ADAM22: variants seen among roughly 807,000 people sequenced by gnomAD.
ADAM22 encodes ADAM metallopeptidase domain 22, also known as disintegrin and metalloproteinase domain-containing protein 22.
ADAM22 carries 65 observed loss-of-function variants against 144.6 expected under a neutral mutation model. The ratio of observed to expected loss-of-function variants is 0.45; its 90% CI spans 0.37 to 0.55. The LOEUF (loss-of-function observed/expected upper bound fraction) is 0.55, where lower values mean the gene tolerates loss of function less well. Among genes scored for constraint, ADAM22 ranks in the 20% least tolerant of loss-of-function variants. The pLI is 0.00. For synonymous variants in ADAM22, 391 were observed against 412.6 expected (o/e 0.95, Z 0.63); for missense variants, 974 against 1,184.9 (o/e 0.82, Z 2.61).
At chr7:88,174,257 G>A (rs567897824) in intron 26 of ADAM22, among the ~76,000 whole-genome samples, 73 of 152,092 alleles carry the variant, frequency 4.8e-4, no homozygotes, top group Non-Finnish European at 9.7e-4. Context: ...ATGTGAAGCA[G>A]ACCCACGTTT....
intron 4 of ADAM22, among the ~76,000 whole-genome samples, chr7:88,092,398 A>T (rs12537586): frequency 0.42 from 64,207 of 151,844 alleles, 15,594 homozygotes; most frequent in East Asian, 0.88. Context: ...TCCTCCTCAC[A>T]TGTAATATCA....
intron 30 of ADAM22, among the ~76,000 whole-genome samples, chr7:88,192,181 G>C (rs1223612759): frequency 6.6e-6 from 1 of 152,180 alleles, no homozygotes; most frequent in South Asian, 2.1e-4. Flanking sequence ...AGGTGGCAGT[G>C]TAACCAGTTC....
intron 2 of ADAM22, among the ~76,000 whole-genome samples, chr7:87,955,474 T>G (rs912561323): frequency 1.3e-5 from 2 of 152,188 alleles, no homozygotes; most frequent in Admixed American, 6.5e-5. Context: ...CAAGTGCTGC[T>G]GTCTGATCGT....
chr7:87,969,644 CAT>C (rs1286649566), intron 2 of ADAM22, among the ~76,000 whole-genome samples: 1 of 152,178 alleles, frequency 6.6e-6, no homozygotes, highest in Admixed American at 6.5e-5. Context: ...AGTTCAGAAA[CAT>C]GAAACAACCT....
At chr7:88,104,963 C>T (rs1000087433) in intron 4 of ADAM22, among the ~76,000 whole-genome samples, 3 of 152,006 alleles carry the variant, frequency 2.0e-5, no homozygotes, top group African/African-American at 7.2e-5. Flanking sequence ...TTTTTCAAAT[C>T]AGAGATTAGT....
intron 6 of ADAM22, among the ~76,000 whole-genome samples, chr7:88,115,322 T>G (rs1827491201): frequency 6.6e-6 from 1 of 152,230 alleles, no homozygotes; most frequent in Non-Finnish European, 1.5e-5. Flanking sequence ...TATTTCCATC[T>G]CAACCCTAAT....
intron 3 of ADAM22, among the ~76,000 whole-genome samples, chr7:88,038,313 T>C (rs1334022527): frequency 6.6e-6 from 1 of 152,178 alleles, no homozygotes; most frequent in Non-Finnish European, 1.5e-5. Context: ...TTTAGAATGT[T>C]TTGGCTTATG....
chr7:88,075,598 T>C (rs779488951), intron 3 of ADAM22, 28 bp from the exon 4 acceptor site: 3 of 1,603,140 alleles, frequency 1.9e-6, no homozygotes, highest in Non-Finnish European at 1.7e-6. Context: ...GGATCCTCTT[T>C]AGTCATCATT....
intron 26 of ADAM22, among the ~76,000 whole-genome samples, chr7:88,175,409 C>T (rs1295816344): frequency 5.9e-5 from 9 of 152,018 alleles, no homozygotes; most frequent in African/African-American, 2.2e-4. Flanking sequence ...ATAGGAAATA[C>T]CTTCAAAAGA....
chr7:88,022,620 T>G (rs867340993), intron 3 of ADAM22, among the ~76,000 whole-genome samples: 1 of 152,206 alleles, frequency 6.6e-6, no homozygotes, highest in South Asian at 2.1e-4. Flanking sequence ...TGTTTTGGTG[T>G]ATGAAATTTA....
rs551738730 is a variant in ADAM22, at chr7:88,142,656, A to G, written c.1221-370A>G. Reference sequence around the variant, plus strand: ...GATCGAGACCATCCTGGCTAACACGATGAAACCCCGTCTCTACTAAAAATA... The same window carrying G: ...GATCGAGACCATCCTGGCTAACACGGTGAAACCCCGTCTCTACTAAAAATA... On this transcript the variant is annotated intron_variant, in intron 14 of 31. Coordinates refer to ENST00000413139, the MANE Select transcript of ADAM22 (RefSeq NM_001324418.2). Among the ~76,000 whole-genome samples the G allele has an allele frequency of 1.6e-3, 238 of 151,960 alleles. 1 individual carries two copies. Among genetic ancestry groups the G allele is most frequent in the Admixed American group, 3.3e-3 (50 of 15,260 alleles).
At chr7:88,119,700 G>A (rs1828761922) in intron 7 of ADAM22, among the ~76,000 whole-genome samples, 1 of 152,200 alleles carries the variant, frequency 6.6e-6, no homozygotes, top group Admixed American at 6.5e-5. Context: ...TGTTGGTCAG[G>A]CTGGTCTCAA....
chr7:88,179,696 A>T (rs1288190561), intron 27 of ADAM22, among the ~76,000 whole-genome samples: 1 of 152,070 alleles, frequency 6.6e-6, no homozygotes, highest in African/African-American at 2.4e-5. Flanking sequence ...CTGATGCTAT[A>T]TTCTTATTCT....
chr7:88,032,631 C>T (rs1800565310), intron 3 of ADAM22, among the ~76,000 whole-genome samples: 1 of 152,254 alleles, frequency 6.6e-6, no homozygotes, highest in Middle Eastern at 3.4e-3. Context: ...GTGAAAAGGA[C>T]ATGAGATTCG....
intron 4 of ADAM22, among the ~76,000 whole-genome samples, chr7:88,087,624 C>T (rs1185640993): frequency 3.9e-5 from 6 of 151,972 alleles, no homozygotes; most frequent in Non-Finnish European, 7.4e-5. Context: ...ATTATATCAC[C>T]AATGAAAGAT....
At chr7:88,138,624 A>T (rs1833672534) in intron 14 of ADAM22, among the ~76,000 whole-genome samples, 1 of 152,224 alleles carries the variant, frequency 6.6e-6, no homozygotes, top group Non-Finnish European at 1.5e-5. Flanking sequence ...CTTCAGTCCT[A>T]TTTAAAGGTA....
intron 26 of ADAM22, among the ~76,000 whole-genome samples, chr7:88,177,253 A>T (rs1845907757): frequency 6.6e-6 from 1 of 152,122 alleles, no homozygotes; most frequent in South Asian, 2.1e-4. Context: ...AAAAACTAGA[A>T]CTCTGATTTT....
rs5885614 is a variant in ADAM22, at chr7:88,093,284, CAA to C, written c.391-14881_391-14880del. ...TTTTTGATTTTAAACTGGTTTGAAG[CAA>C]AAAAAAAAAATCACAAATTATTCCC... On this transcript the variant is annotated intron_variant, in intron 4 of 31. Coordinates refer to ENST00000413139, the MANE Select transcript of ADAM22 (RefSeq NM_001324418.2). Among the ~76,000 whole-genome samples the C allele has an allele frequency of 3.3e-3, 477 of 145,570 alleles. 1 individual carries two copies. The highest frequency in any genetic ancestry group is 9.7e-3 in the African/African-American group (384 of 39,468).
In ADAM22 at chr7:88,122,987, T is replaced by A. The variant is rs542092681; in HGVS notation, c.608-2602T>A. Among the ~76,000 whole-genome samples, 25 of 152,334 alleles carry A rather than the reference T, an allele frequency of 1.6e-4. No homozygotes were observed. The East Asian group carries it at 1.9e-3, about 12-fold the overall frequency. ...TAAGAGTTTTTATCAAGAATAGGTG[T>A]TGAATTTTGTCAAATGCTTTTCTAT... On this transcript the variant is annotated intron_variant, in intron 7 of 31. Transcript: ENST00000413139.
Sources: allele counts gnomAD v4.1 joint callset (sites outside exome capture counted in the v4.1 genomes callset), GRCh38; gene constraint gnomAD v4.1.1; transcripts MANE v1.5; gene names NCBI Gene and HGNC (gene_info 2026-07-23, HGNC 2026-07-21).